The following C4orf50 variants were observed in gnomAD, a reference collection of about 807,000 sequenced individuals.
C4orf50 encodes the protein chromosome 4 open reading frame 50.
In C4orf50, 80 loss-of-function variants were observed where a neutral mutation model predicts 77.2. That is an observed-to-expected ratio of 1.04 (90% CI 0.87 to 1.25). C4orf50 has a LOEUF of 1.25. Ranked by LOEUF, C4orf50 falls within the 50% of genes most tolerant of loss-of-function variation. C4orf50 has a pLI of 0.00. For missense variants in C4orf50, 1,257 were observed against 1,152.9 expected, an observed-to-expected ratio of 1.09 and a Z score of -1.31; for synonymous variants, 532 against 465.3, an observed-to-expected ratio of 1.14 and a Z score of -1.84.
chr4:5,997,310 A>C (rs1721638204), intron 25 of C4orf50, among the ~76,000 whole-genome samples: 1 of 152,206 alleles, frequency 6.6e-6, no homozygotes, highest in Non-Finnish European at 1.5e-5. Flanking sequence ...CCTGTTCTGG[A>C]GCTGGTGACA....
At chr4:5,976,480 A>G (rs1042099131) in intron 29 of C4orf50, among the ~76,000 whole-genome samples, 4 of 148,706 alleles carry the variant, frequency 2.7e-5, no homozygotes, top group African/African-American at 7.3e-5. Flanking sequence ...AAAAAAAAAA[A>G]AAGAATCAGC....
intron 7 of C4orf50, among the ~76,000 whole-genome samples, chr4:5,925,216 G>C (rs184354764): frequency 3.3e-5 from 5 of 152,004 alleles, no homozygotes; most frequent in African/African-American, 1.2e-4. Context: ...TGGGCAGAGG[G>C]AAGGGATATG....
Position 6,015,506 on chromosome 4 carries a change from T to C in C4orf50, c.287+2639A>G, listed in dbSNP as rs929421400. On this transcript the variant is annotated intron_variant, in intron 23 of 33. Coordinates refer to ENST00000531445, the Ensembl canonical transcript of C4orf50. The surrounding 1 kb of genome is among the most constrained non-coding windows in gnomAD (Gnocchi z 4.4). ...GTCTGCAAATAATGCCATTTCATTA[T>C]AATGTTGATGAGAAAAAAAAAGATT... Among the ~76,000 whole-genome samples the C allele has an allele frequency of 1.5e-4, 16 of 107,790 alleles. No individual in the cohort carries two copies. Among genetic ancestry groups the C allele is most frequent in the African/African-American group, 5.3e-4 (15 of 28,454 alleles). 70.7% of individuals were successfully genotyped at this position (107,790 alleles called of 152,430 possible).
At chr4:5,977,782 T>C (rs1220219723) in intron 29 of C4orf50, among the ~76,000 whole-genome samples, 1 of 152,250 alleles carries the variant, frequency 6.6e-6, no homozygotes, top group Non-Finnish European at 1.5e-5. Flanking sequence ...GGATTAAACC[T>C]TCTGTCTGCT....
chr4:6,011,544 C>A lies in C4orf50; in HGVS notation c.426+286G>T, dbSNP rs1215802991. Among the ~76,000 whole-genome samples, 1 of 152,112 alleles carries A rather than the reference C, an allele frequency of 6.6e-6. No homozygotes were observed. Among genetic ancestry groups the A allele is most frequent in the Non-Finnish European group, 1.5e-5 (1 of 68,018 alleles). On this transcript the variant is annotated intron_variant, in intron 24 of 33. Coordinates refer to ENST00000531445, the Ensembl canonical transcript of C4orf50. The surrounding 1 kb of genome is among the most constrained non-coding windows in gnomAD (Gnocchi z 4.2). ...CCCCATCTGCATAAGAGCTCCGGAC[C>A]CCAGGAGCCCTGCATCAGCCAACTC... is the stretch of plus-strand genomic sequence containing the variant.
chr4:5,973,668 T>A, exon 31 of C4orf50: 3 of 1,612,126 alleles, frequency 1.9e-6, no homozygotes, highest in Non-Finnish European at 2.5e-6. Context: ...CCTCTGGGAC[T>A]CCCGGAGCCA....
Position 6,009,390 on chromosome 4 carries a change from C to T in C4orf50, c.427-858G>A, listed in dbSNP as rs1722391626. Reference sequence around the variant, plus strand: ...CTTCTGCCGGGGAGCTTCCGGAAAACAAAAACAAACAAACTAAGAGCAAAC... The same window carrying T: ...CTTCTGCCGGGGAGCTTCCGGAAAATAAAAACAAACAAACTAAGAGCAAAC... On this transcript the variant is annotated intron_variant, in intron 24 of 33. Coordinates refer to ENST00000531445, the Ensembl canonical transcript of C4orf50. This position sits in a 1 kb window ranked among gnomAD's most constrained non-coding sequence, Gnocchi z 5.6. 6.6e-6 allele frequency among the ~76,000 whole-genome samples: 1 copy of T among 152,202 alleles called. No homozygotes were observed. The highest frequency in any genetic ancestry group is 2.1e-4 in the South Asian group (1 of 4,826).
rs1159040470 is a variant in C4orf50, at chr4:5,905,909, C to CG, written c.*2475-7722dup. Among the ~76,000 whole-genome samples, 1 of 111,708 alleles carries CG rather than the reference C, an allele frequency of 9.0e-6. No homozygotes were observed. The highest frequency in any genetic ancestry group is 2.3e-4 in the East Asian group (1 of 4,410). 73.3% of individuals were successfully genotyped at this position (111,708 alleles called of 152,430 possible). A position where few individuals can be genotyped will look rare whatever the true frequency, so the allele number is the denominator to read the frequency against. ...TGTGTGGTAATCTCTATGCTAAGCA[C>CG]GGGGGCAGGGGGGCGGGGGGCAGAG... is the stretch of plus-strand genomic sequence containing the variant. On this transcript the variant is annotated intron_variant, in intron 7 of 7. Coordinates refer to the C4orf50 transcript ENST00000324058. This position sits in a 1 kb window ranked among gnomAD's most constrained non-coding sequence, Gnocchi z 5.4.
chr4:5,957,770 G>T (rs1055995398), exon 34 of C4orf50: 5 of 152,128 alleles, frequency 3.3e-5, no homozygotes, highest in African/African-American at 1.2e-4. Context: ...CCCCATAAAC[G>T]AATTTAAAGG....
intron 28 of C4orf50, among the ~76,000 whole-genome samples, chr4:5,981,296 A>G (rs960444945): frequency 6.6e-6 from 1 of 152,046 alleles, no homozygotes; most frequent in Non-Finnish European, 1.5e-5. Context: ...TCTTGCTGTT[A>G]TAATTGGAAC....
Position 6,009,158 on chromosome 4 carries a change from CT to C in C4orf50, c.427-627del, listed in dbSNP as rs1343116701. On this transcript the variant is annotated intron_variant, in intron 24 of 33. Coordinates refer to ENST00000531445, the Ensembl canonical transcript of C4orf50. The surrounding 1 kb of genome is among the most constrained non-coding windows in gnomAD (Gnocchi z 5.6). ...GGCCAGGATGCCAAGCGCCTTGTAT[CT>C]GACTCAGGCCTTTTCTTCTTTCATC... Among the ~76,000 whole-genome samples, 1 of 152,216 alleles carries C rather than the reference CT, an allele frequency of 6.6e-6. No homozygotes were observed. The highest frequency in any genetic ancestry group is 2.4e-5 in the African/African-American group (1 of 41,450).
At chr4:5,935,881 G>A (rs544368595) in intron 7 of C4orf50, among the ~76,000 whole-genome samples, 1 of 147,452 alleles carries the variant, frequency 6.8e-6, no homozygotes, top group African/African-American at 2.5e-5. Context: ...AGATGTATTT[G>A]TCAGGAAGGT....
At position 5,973,689 on chromosome 4, in the gene C4orf50, C is replaced by G. The variant is rs78751211; in HGVS notation, c.4074G>C (p.Thr1358=). The change falls in exon 31 of 34, where the codon ACG becomes ACC. Residue 1358 remains threonine (T), a synonymous_variant. Transcript: ENST00000531445. ...GGACTCCCGGAGCCAGGAAGGTGGC[C>G]GTGTACTCAGCCAGTGCCACGTCGT... 1,398 of 1,613,604 alleles carry G rather than the reference C, an allele frequency of 8.7e-4. 6 individuals are homozygous for G. The African/African-American group carries it at 0.016, about 19-fold the overall frequency.
intron 7 of C4orf50, among the ~76,000 whole-genome samples, chr4:5,947,637 G>A (rs112556794): frequency 4.6e-5 from 7 of 152,084 alleles, no homozygotes; most frequent in Admixed American, 1.3e-4. Context: ...CTGCAGCCCC[G>A]AGGGCCTCCC....
intron 7 of C4orf50, among the ~76,000 whole-genome samples, chr4:5,942,799 T>C (rs889873305): frequency 5.3e-5 from 8 of 152,208 alleles, no homozygotes; most frequent in African/African-American, 1.9e-4. Flanking sequence ...ATGTCAATAC[T>C]GCATGTTGAA....
chr4:5,903,855 C>G (rs557179381), intron 7 of C4orf50: 1 of 152,238 alleles, frequency 6.6e-6, no homozygotes, highest in Non-Finnish European at 1.5e-5. Flanking sequence ...CTCAGTGGCA[C>G]AGAGCTCATT....
At position 5,916,859 on chromosome 4, in the gene C4orf50, G is replaced by A. The variant is rs2108734492; in HGVS notation, c.*2475-18671C>T. ...GCACAAGCAGAGTCTGAGCTTGCCA[G>A]CAACAAAGCACTGCAGCTGAGAGCA... On this transcript the variant is annotated intron_variant, in intron 7 of 7. Coordinates refer to the C4orf50 transcript ENST00000324058. This position sits in a 1 kb window ranked among gnomAD's most constrained non-coding sequence, Gnocchi z 4.4. Among the ~76,000 whole-genome samples, 1 of 152,290 alleles carries A rather than the reference G, an allele frequency of 6.6e-6. No individual in the cohort carries two copies. Among genetic ancestry groups the A allele is most frequent in the East Asian group, 1.9e-4 (1 of 5,174 alleles).
intron 25 of C4orf50, among the ~76,000 whole-genome samples, chr4:5,997,478 T>G (rs1018504395): frequency 6.6e-5 from 10 of 152,238 alleles, no homozygotes; most frequent in African/African-American, 2.4e-4. Flanking sequence ...GTGAGTCACT[T>G]GTCCAAGGTC....
At chr4:5,980,117 C>CTTTT in intron 29 of C4orf50, 57 bp downstream of exon 7, 1 of 1,464,960 alleles carries the variant, frequency 6.8e-7, no homozygotes, top group African/African-American at 1.4e-5. Flanking sequence ...ACTCCCAAAA[C>CTTTT]GCCCCGGGGT....
Sources: allele counts gnomAD v4.1 joint callset (sites outside exome capture counted in the v4.1 genomes callset), GRCh38; gene constraint gnomAD v4.1.1; non-coding constraint Gnocchi (gnomAD v3.1); transcripts MANE v1.5; gene names NCBI Gene and HGNC (gene_info 2026-07-23, HGNC 2026-07-21).